The following AMBRA1 variants were observed in gnomAD, a reference collection of about 807,000 sequenced individuals.
The protein encoded by AMBRA1 is autophagy and beclin 1 regulator 1.
Under a neutral mutation model 125.4 loss-of-function variants are expected in AMBRA1, and 47 were observed. The observed-to-expected ratio is 0.37, with a 90% CI of 0.30 to 0.48. The LOEUF is 0.48. Ranked by LOEUF, AMBRA1 falls within the 20% of genes least tolerant of loss-of-function variation. The probability of loss-of-function intolerance (pLI) is 0.99; values close to 1 mark genes in which losing one functional copy is unlikely to be tolerated. For missense variants in AMBRA1, 1,331 were observed against 1,693.4 expected, an observed-to-expected ratio of 0.79 and a Z score of 3.76; for synonymous variants, 626 against 655.5, an observed-to-expected ratio of 0.95 and a Z score of 0.69.
chr11:46,434,408 C>T (rs1358414402), intron 13 of AMBRA1, among the ~76,000 whole-genome samples: 1 of 61,150 alleles, frequency 1.6e-5, no homozygotes, highest in African/African-American at 6.3e-5. Flanking sequence ...AACAAACAAA[C>T]AAACAAACAA....
intron 7 of AMBRA1, among the ~76,000 whole-genome samples, chr11:46,528,862 A>AG (rs1321016881): frequency 1.3e-5 from 2 of 152,208 alleles, no homozygotes; most frequent in African/African-American, 4.8e-5. Context: ...AAATGACCCA[A>AG]GGGGACAGCA....
intron 1 of AMBRA1, among the ~76,000 whole-genome samples, chr11:46,566,144 G>A (rs2043522740): frequency 2.0e-5 from 3 of 152,026 alleles, no homozygotes; most frequent in African/African-American, 7.2e-5. Context: ...AATTGGTCAG[G>A]GCGCTAGCTC....
chr11:46,454,502 A>T (rs1948758717), intron 11 of AMBRA1, among the ~76,000 whole-genome samples: 1 of 150,284 alleles, frequency 6.7e-6, no homozygotes, highest in Non-Finnish European at 1.5e-5. Flanking sequence ...TTGGGAGGCC[A>T]AGGCAGGTGG....
chr11:46,565,713 A>G (rs1321190643), intron 1 of AMBRA1, among the ~76,000 whole-genome samples: 1 of 152,170 alleles, frequency 6.6e-6, no homozygotes, highest in Non-Finnish European at 1.5e-5. Context: ...CTCAAAAAAA[A>G]ACGTGTATAA....
Position 46,494,429 on chromosome 11 carries a change from G to A in AMBRA1, c.2340-225C>T, listed in dbSNP as rs563486027. The stretch of plus-strand genomic sequence containing the variant: ...CATTTACCAACAGCTCAGGAAAGAG[G>A]AGGATTTTTCTTGAGTTAATGTGGT... On this transcript the variant is annotated intron_variant, in intron 9 of 17. Transcript: ENST00000683756. 1.2e-4 allele frequency: 57 copies of A among 456,076 alleles called. No homozygotes were observed. The South Asian group carries it at 2.1e-3, about 16-fold the overall frequency. The allele number at this position is 456,076 out of a possible 1,614,324, so 28.3% of individuals were successfully genotyped here. A position where few individuals can be genotyped will look rare whatever the true frequency, so the allele number is the denominator to read the frequency against.
At chr11:46,463,574 A>G (rs1949192344) in intron 11 of AMBRA1, among the ~76,000 whole-genome samples, 1 of 152,218 alleles carries the variant, frequency 6.6e-6, no homozygotes, top group Non-Finnish European at 1.5e-5. Flanking sequence ...TACCTTGCAC[A>G]AAAGCACAGA....
At chr11:46,499,948 G>A (rs1208476926) in intron 9 of AMBRA1, among the ~76,000 whole-genome samples, 2 of 152,034 alleles carry the variant, frequency 1.3e-5, no homozygotes, top group East Asian at 1.9e-4. Context: ...CACCGCCCCC[G>A]GCTGACAGGG....
Position 46,428,730 on chromosome 11 carries a change from C to T in AMBRA1, c.2976+4744G>A, listed in dbSNP as rs1030895332. On this transcript the variant is annotated intron_variant, in intron 14 of 17. Coordinates refer to ENST00000683756, the MANE Select transcript of AMBRA1 (RefSeq NM_001387011.1). ...TCGGTTGCTGACCCAGCCCCAGCCT[C>T]GGCTTTCTTGTCGGCACCAGGTGGC... is the stretch of plus-strand genomic sequence containing the variant. The T allele has an allele frequency of 1.4e-5, 22 of 1,608,928 alleles. No homozygotes were observed. In the South Asian group the frequency reaches 1.5e-4, roughly 11 times the overall value.
chr11:46,414,036 T>C (rs956773486), intron 15 of AMBRA1, among the ~76,000 whole-genome samples: 1 of 152,166 alleles, frequency 6.6e-6, no homozygotes, highest in African/African-American at 2.4e-5. Context: ...CTGGAAGCTG[T>C]GCTTCTGGGC....
chr11:46,545,979 C>G, intron 4 of AMBRA1: 1 of 479,468 alleles, frequency 2.1e-6, no homozygotes, highest in Non-Finnish European at 3.8e-6. Context: ...CAGTTCAGTT[C>G]TTCAAATTAG....
At chr11:46,513,346 TAA>T (rs1382660504) in intron 7 of AMBRA1, among the ~76,000 whole-genome samples, 3 of 150,366 alleles carry the variant, frequency 2.0e-5, no homozygotes, top group South Asian at 2.1e-4. Context: ...TAAATATATA[TAA>T]GAGTACTCCA....
At position 46,400,946 on chromosome 11, in the gene AMBRA1, A is replaced by C. The variant is rs185413717; in HGVS notation, c.3404-3003T>G. On this transcript the variant is annotated intron_variant, in intron 17 of 17. Transcript: ENST00000683756. ...CAGGGCAGAAGGAGAGAAAACCTGAAGGGCTCTCAGAGTACTGGGTCAACC... is the reference window on the plus strand; with the variant it reads ...CAGGGCAGAAGGAGAGAAAACCTGACGGGCTCTCAGAGTACTGGGTCAACC... Among the ~76,000 whole-genome samples, 10 of 152,276 alleles carry C rather than the reference A, an allele frequency of 6.6e-5. 1 individual carries two copies. Among genetic ancestry groups the C allele is most frequent in the Admixed American group, 5.2e-4 (8 of 15,304 alleles).
intron 1 of AMBRA1, among the ~76,000 whole-genome samples, chr11:46,561,602 T>G (rs2043340102): frequency 6.6e-6 from 1 of 152,118 alleles, no homozygotes; most frequent in Admixed American, 6.6e-5. Context: ...AGAGCTACAC[T>G]CCCAGTCCTT....
chr11:46,590,139 G>A (rs377259278), intron 1 of AMBRA1, among the ~76,000 whole-genome samples: 2 of 151,660 alleles, frequency 1.3e-5, no homozygotes, highest in Admixed American at 6.6e-5. Flanking sequence ...TTGGGAGGCC[G>A]AGGTGGGCAG....
intron 11 of AMBRA1, among the ~76,000 whole-genome samples, chr11:46,479,933 T>C (rs1199563082): frequency 2.6e-5 from 4 of 152,140 alleles, no homozygotes; most frequent in Admixed American, 6.6e-5. Flanking sequence ...AAAGGACTCA[T>C]TGGGCTAGAA....
chr11:46,433,372 A>C lies in AMBRA1; in HGVS notation c.2976+102T>G, dbSNP rs962592606. ...CTTCCTTACTCCTTATGACTGTGTG[A>C]TAGCTCTGGTCCTGGCTGGGAGGTC... On this transcript the variant is annotated intron_variant, in intron 14 of 17. Coordinates refer to ENST00000683756, the MANE Select transcript of AMBRA1 (RefSeq NM_001387011.1). The C allele has an allele frequency of 1.1e-5, 16 of 1,412,634 alleles. No homozygotes were observed. In the African/African-American group the frequency reaches 2.3e-4, roughly 20 times the overall value. The allele number at this position is 1,412,634 out of a possible 1,614,324, so 87.5% of individuals were successfully genotyped here.
chr11:46,495,440 A>G lies in AMBRA1; in HGVS notation c.2340-1236T>C, dbSNP rs1029125641. 3 of 152,260 alleles carry G rather than the reference A, an allele frequency of 2.0e-5. 1 individual carries two copies. The South Asian group carries it at 6.2e-4, about 31-fold the overall frequency. 9.4% of individuals were successfully genotyped at this position (152,260 alleles called of 1,614,324 possible). ...AATTGGCTGCCGAGCATTAAATGAC[A>G]AATCAATACCAGGGATATTGGAAGC... On this transcript the variant is annotated intron_variant, in intron 9 of 17. Coordinates refer to ENST00000683756, the MANE Select transcript of AMBRA1 (RefSeq NM_001387011.1).
chr11:46,574,493 G>A (rs956535420), intron 1 of AMBRA1, among the ~76,000 whole-genome samples: 26 of 151,380 alleles, frequency 1.7e-4, no homozygotes, highest in Admixed American at 3.3e-4. Context: ...CATGTCCTTC[G>A]CCCACTTTTT....
chr11:46,419,882 T>C (rs945345046), intron 14 of AMBRA1, among the ~76,000 whole-genome samples: 1 of 151,958 alleles, frequency 6.6e-6, no homozygotes, highest in African/African-American at 2.4e-5. Flanking sequence ...GCAAACCAAG[T>C]GATAAGCAGC....
Sources: allele counts gnomAD v4.1 joint callset (sites outside exome capture counted in the v4.1 genomes callset), GRCh38; gene constraint gnomAD v4.1.1; transcripts MANE v1.5; gene names NCBI Gene and HGNC (gene_info 2026-07-23, HGNC 2026-07-21).